The following TMCC3 variants were observed in gnomAD, a reference collection of about 807,000 sequenced individuals.
The protein encoded by TMCC3 is transmembrane and coiled-coil domain family 3, also known as transmembrane and coiled-coil domain protein 3.
In TMCC3, 28 loss-of-function variants were observed where a neutral mutation model predicts 40.2. The observed-to-expected ratio is 0.70, with a 90% confidence interval of 0.52 to 0.95. The LOEUF is 0.95. Ranked by LOEUF, TMCC3 falls within the 40% of genes least tolerant of loss-of-function variation. TMCC3 has a pLI of 0.00. For missense variants in TMCC3, 554 were observed against 615.2 expected, an observed-to-expected ratio of 0.90 and a Z score of 1.05; for synonymous variants, 255 against 248.5, an observed-to-expected ratio of 1.03 and a Z score of -0.25.
chr12:94,571,725 A>G lies in TMCC3; in HGVS notation c.1144T>C (p.Ser382Pro). The change falls in exon 4 of 4, where the codon TCC (serine) becomes CCC (proline). Residue 382 changes from serine (S) to proline (P), a missense_variant. Ser to Pro is a moderately conservative substitution (Grantham distance 74). Transcript: ENST00000261226. ...AGCTTAGAAATGCGAGTCTGGCAGG[A>G]TTCCAAGGCTTCCTGTGAGCAAGAG... ...RSRDIQEALE[S>P]CQTRISKLEL... 6.2e-7 allele frequency: 1 copy of G among 1,613,824 alleles called. No individual in the cohort carries two copies. The highest frequency in any genetic ancestry group is 8.5e-7 in the Non-Finnish European group (1 of 1,179,846).
chr12:94,573,270 TG>T (rs60841377), intron 3 of TMCC3, among the ~76,000 whole-genome samples: 3,888 of 152,188 alleles, frequency 0.026, 185 homozygotes, highest in African/African-American at 0.089. Flanking sequence ...CTAGCTCAAT[TG>T]GTCCGGTTCT....
At chr12:94,644,332 C>T (rs756326103) in intron 1 of TMCC3, 157 of 964,574 alleles carry the variant, frequency 1.6e-4, no homozygotes, top group Non-Finnish European at 1.9e-4. Context: ...GGGCTGAAAG[C>T]TGCAGACTCT....
At chr12:94,577,636 T>C (rs1394884012) in intron 3 of TMCC3, among the ~76,000 whole-genome samples, 1 of 152,128 alleles carries the variant, frequency 6.6e-6, no homozygotes, top group Non-Finnish European at 1.5e-5. Context: ...CATGGCTAAA[T>C]TTCTGTGGCT....
At chr12:94,587,680 A>G (rs931649946) in intron 1 of TMCC3, among the ~76,000 whole-genome samples, 1 of 152,216 alleles carries the variant, frequency 6.6e-6, no homozygotes, top group Non-Finnish European at 1.5e-5. Flanking sequence ...TATCATTCCA[A>G]TTTCATTCTA....
chr12:94,581,598 C>T (rs753328503), intron 2 of TMCC3, 24 bp downstream of exon 2: 44 of 1,311,452 alleles, frequency 3.4e-5, no homozygotes, highest in South Asian at 2.7e-5. Flanking sequence ...ATAAAAAACA[C>T]GCCAATGGAA....
chr12:94,631,836 A>T (rs1160512071), intron 1 of TMCC3, among the ~76,000 whole-genome samples: 3 of 152,214 alleles, frequency 2.0e-5, no homozygotes, highest in African/African-American at 7.2e-5. Flanking sequence ...GACGCTCCAA[A>T]CTTTTCATAA....
chr12:94,599,566 C>CACA lies in TMCC3; in HGVS notation c.79-17029_79-17028insTGT, dbSNP rs1566323309. ...TAATTTTTAAAAGATACCCCCCCCC[C>CACA]CGCCCACACACACACACAAGCCTAA... On this transcript the variant is annotated intron_variant, in intron 1 of 3. Transcript: ENST00000261226. Among the ~76,000 whole-genome samples, 5 of 144,346 alleles carry CACA rather than the reference C, an allele frequency of 3.5e-5. No individual in the cohort carries two copies. The South Asian group carries it at 1.1e-3, about 32-fold the overall frequency. 94.7% of individuals were successfully genotyped at this position (144,346 alleles called of 152,430 possible).
intron 1 of TMCC3, among the ~76,000 whole-genome samples, chr12:94,599,400 G>A (rs996414486): frequency 9.2e-5 from 14 of 152,194 alleles, no homozygotes; most frequent in South Asian, 4.2e-4. Context: ...CCACATGCAC[G>A]GAGTATTTGT....
chr12:94,573,079 T>C (rs1232489183), intron 3 of TMCC3, among the ~76,000 whole-genome samples: 1 of 152,178 alleles, frequency 6.6e-6, no homozygotes, highest in African/African-American at 2.4e-5. Flanking sequence ...CACGTACAAA[T>C]GTGGCTTCAT....
At chr12:94,606,066 A>G (rs891487515) in intron 1 of TMCC3, among the ~76,000 whole-genome samples, 5 of 152,228 alleles carry the variant, frequency 3.3e-5, no homozygotes, top group African/African-American at 1.2e-4. Flanking sequence ...GATAGAAGGC[A>G]GTCTTGAAAG....
chr12:94,584,109 C>A (rs988597834), intron 1 of TMCC3, among the ~76,000 whole-genome samples: 2 of 152,076 alleles, frequency 1.3e-5, no homozygotes, highest in African/African-American at 4.8e-5. Flanking sequence ...GTGTCCCTAT[C>A]CAAATCTCAT....
chr12:94,588,885 G>A (rs891416080), intron 1 of TMCC3, among the ~76,000 whole-genome samples: 2 of 149,930 alleles, frequency 1.3e-5, no homozygotes, highest in East Asian at 2.0e-4. Context: ...GTGCAGTGGT[G>A]CAATCTCGGC....
intron 1 of TMCC3, among the ~76,000 whole-genome samples, chr12:94,647,284 G>T (rs1284161869): frequency 6.6e-6 from 1 of 152,154 alleles, no homozygotes; most frequent in African/African-American, 2.4e-5. Context: ...ACTAAGGGGG[G>T]AGGGGTTATC....
At chr12:94,604,823 AAG>A in intron 1 of TMCC3, among the ~76,000 whole-genome samples, 1 of 150,716 alleles carries the variant, frequency 6.6e-6, no homozygotes. Flanking sequence ...AAAAAAAAAA[AAG>A]AAGTAATAAG....
chr12:94,623,476 C>T (rs754854367), intron 1 of TMCC3, among the ~76,000 whole-genome samples: 3 of 152,216 alleles, frequency 2.0e-5, no homozygotes, highest in Non-Finnish European at 2.9e-5. Flanking sequence ...CAGAGCTATT[C>T]CTTCATTCAA....
Position 94,582,193 on chromosome 12 carries a change from C to G in TMCC3, c.424G>C (p.Glu142Gln). Residue 142 changes from glutamate (E) to glutamine (Q), a missense_variant, in exon 2 of 4, where the codon GAG becomes CAG. By Grantham distance (29) the Glu-to-Gln change is conservative. Transcript: ENST00000261226. The part of the protein sequence containing the change: ...KLEQYHRKLR[E>Q]IEQNGASRSS... ...CTAGAGGCTCCATTCTGCTCGATCT[C>G]TCTGAGCTTTCGATGATACTGCTCT... The G allele has an allele frequency of 6.2e-7, 1 of 1,614,150 alleles. No homozygotes were observed. Among genetic ancestry groups the G allele is most frequent in the Non-Finnish European group, 8.5e-7 (1 of 1,180,028 alleles).
At chr12:94,630,348 T>C (rs1420550282) in intron 1 of TMCC3, among the ~76,000 whole-genome samples, 1 of 151,982 alleles carries the variant, frequency 6.6e-6, no homozygotes, top group East Asian at 1.9e-4. Flanking sequence ...TGGAGGTAGC[T>C]CGGGCCTACA....
intron 1 of TMCC3, among the ~76,000 whole-genome samples, chr12:94,647,195 CAAAGATGAAGTTTTAA>C (rs2069024387): frequency 6.6e-6 from 1 of 152,054 alleles, no homozygotes; most frequent in Non-Finnish European, 1.5e-5. Context: ...CTGAGTTTTA[CAAAGATGAAGTTTTAA>C]AATGTGAATG....
intron 1 of TMCC3, among the ~76,000 whole-genome samples, chr12:94,600,240 GTTTTTTT>G (rs530585319): frequency 9.8e-6 from 1 of 102,070 alleles, no homozygotes. Flanking sequence ...CCAAATTCTG[GTTTTTTT>G]TTTTTTTTTT....
Sources: allele counts gnomAD v4.1 joint callset (sites outside exome capture counted in the v4.1 genomes callset), GRCh38; gene constraint gnomAD v4.1.1; transcripts MANE v1.5; gene names NCBI Gene and HGNC (gene_info 2026-07-23, HGNC 2026-07-21).